CECR2: variants seen among roughly 807,000 people sequenced by gnomAD.
CECR2 encodes the protein chromatin remodeling regulator CECR2.
Under a neutral mutation model 154.5 loss-of-function variants are expected in CECR2, and 30 were observed. The ratio of observed to expected loss-of-function variants is 0.19; its 90% CI spans 0.15 to 0.26. The LOEUF (loss-of-function observed/expected upper bound fraction) is 0.26, where lower values mean the gene tolerates loss of function less well. Ranked by LOEUF, CECR2 falls within the 10% of genes least tolerant of loss-of-function variation. CECR2 has a pLI of 1.00. For missense variants in CECR2, 1,743 were observed against 1,829.3 expected (o/e 0.95, Z 0.86); for synonymous variants, 725 against 683.7 (o/e 1.06, Z -0.94).
At chr22:17,513,406 G>A (rs16982574) in intron 8 of CECR2, among the ~76,000 whole-genome samples, 3,081 of 152,248 alleles carry the variant, frequency 0.02, 100 homozygotes, top group African/African-American at 0.071. Context: ...CATTTTCATG[G>A]ATCTTAAATT....
intron 1 of CECR2, among the ~76,000 whole-genome samples, chr22:17,462,380 AG>A (rs1469406590): frequency 6.6e-6 from 1 of 151,842 alleles, no homozygotes; most frequent in African/African-American, 2.4e-5. Flanking sequence ...TAAAAAAAAA[AG>A]ATAAAGATCT....
intron 16 of CECR2, among the ~76,000 whole-genome samples, chr22:17,546,239 G>A (rs2056611927): frequency 6.6e-6 from 1 of 152,108 alleles, no homozygotes; most frequent in Non-Finnish European, 1.5e-5. Flanking sequence ...TGTAATCCCA[G>A]CACTTTGGGA....
At chr22:17,386,095 A>G (rs142188165) in intron 1 of CECR2, among the ~76,000 whole-genome samples, 227 of 152,284 alleles carry the variant, frequency 1.5e-3, no homozygotes, top group African/African-American at 5.2e-3. Context: ...ATACGGTGGT[A>G]CCACTCATGG....
rs60877782 is a variant in CECR2, at chr22:17,431,528, G to T, written c.127-46060G>T. 9.9e-3 allele frequency among the ~76,000 whole-genome samples: 1,512 copies of T among 152,268 alleles called. 29 individuals are homozygous for T. The highest frequency in any genetic ancestry group is 0.035 in the African/African-American group (1,435 of 41,556). On this transcript the variant is annotated intron_variant, in intron 1 of 18. Coordinates refer to ENST00000262608, the MANE Select transcript of CECR2 (RefSeq NM_001290047.2). ...AGTGATCCATTCCATCTGGAGCTAT[G>T]GCATAAAATTATTTGCATGTAGATC... is the stretch of plus-strand genomic sequence containing the variant.
intron 1 of CECR2, among the ~76,000 whole-genome samples, chr22:17,371,864 G>T (rs1446274037): frequency 1.3e-5 from 2 of 152,132 alleles, no homozygotes; most frequent in African/African-American, 2.4e-5. Context: ...TTAAGTACTC[G>T]CAGCATATTT....
intron 8 of CECR2, among the ~76,000 whole-genome samples, chr22:17,512,404 AAAC>A (rs199685022): frequency 0.012 from 1,814 of 152,152 alleles, 37 homozygotes; most frequent in African/African-American, 0.042. Flanking sequence ...TATGGTCAAA[AAAC>A]AGTATATATT....
At chr22:17,491,672 C>T (rs146824494) in intron 2 of CECR2, among the ~76,000 whole-genome samples, 43 of 151,508 alleles carry the variant, frequency 2.8e-4, no homozygotes, top group African/African-American at 1.0e-3. Flanking sequence ...TGTACCTCTT[C>T]ATGCCTTATA....
At chr22:17,394,196 G>GC (rs2053773622) in intron 1 of CECR2, among the ~76,000 whole-genome samples, 6 of 90,858 alleles carry the variant, frequency 6.6e-5, no homozygotes, top group African/African-American at 2.0e-4. Flanking sequence ...TGCTGCCGCT[G>GC]CTTTTTTTTT....
chr22:17,531,663 TGAG>T (rs2056357445), intron 9 of CECR2, among the ~76,000 whole-genome samples: 1 of 152,156 alleles, frequency 6.6e-6, no homozygotes. Flanking sequence ...AAACAATGAT[TGAG>T]TAGTTTTTTG....
At chr22:17,549,758 T>C (rs866134847) in intron 17 of CECR2, among the ~76,000 whole-genome samples, 194 bp downstream of exon 17, 7 of 148,386 alleles carry the variant, frequency 4.7e-5, no homozygotes, top group Admixed American at 1.4e-4. Context: ...ACTACACACA[T>C]GCCACCACAC....
At chr22:17,429,621 A>G (rs891164015) in intron 1 of CECR2, among the ~76,000 whole-genome samples, 2 of 152,154 alleles carry the variant, frequency 1.3e-5, no homozygotes, top group Non-Finnish European at 2.9e-5. Flanking sequence ...TATACAGAGT[A>G]AGTTATATCA....
intron 1 of CECR2, among the ~76,000 whole-genome samples, chr22:17,363,254 G>T (rs1228309878): frequency 1.3e-5 from 2 of 151,630 alleles, no homozygotes; most frequent in Non-Finnish European, 2.9e-5. Flanking sequence ...CTTTCGCCAG[G>T]CTGGAGTGCA....
chr22:17,516,599 G>GTGTTT (rs538784298), intron 8 of CECR2, among the ~76,000 whole-genome samples: 19 of 151,892 alleles, frequency 1.3e-4, no homozygotes, highest in South Asian at 4.2e-4. Flanking sequence ...GATCTGGCTG[G>GTGTTT]TGTTTTGTTT....
intron 1 of CECR2, among the ~76,000 whole-genome samples, chr22:17,443,478 A>T (rs1601365705): frequency 6.6e-6 from 1 of 152,182 alleles, no homozygotes; most frequent in Non-Finnish European, 1.5e-5. Flanking sequence ...GATGGTGGAA[A>T]GGCACCAGCA....
chr22:17,527,769 CAAA>C (rs3079565), intron 9 of CECR2, among the ~76,000 whole-genome samples: 7,284 of 89,892 alleles, frequency 0.081, 383 homozygotes, highest in African/African-American at 0.19. Flanking sequence ...GATTCTGTCT[CAAA>C]AAAAAAAAAA....
rs1309726901 is a variant in CECR2, at chr22:17,556,237, G to T, written c.*3397G>T. 6.6e-6 allele frequency: 1 copy of T among 152,072 alleles called. No individual in the cohort carries two copies. Among genetic ancestry groups the T allele is most frequent in the East Asian group, 1.9e-4 (1 of 5,186 alleles). 9.4% of individuals were successfully genotyped at this position (152,072 alleles called of 1,614,324 possible). On this transcript the variant is annotated 3_prime_UTR_variant, in exon 19 of 19. Coordinates refer to ENST00000262608, the MANE Select transcript of CECR2 (RefSeq NM_001290047.2). ...CATCAACAGTTCGTATCTTCTCACT[G>T]AGCCCGGGCCAGATGCTCTCAGAAG...
At chr22:17,518,889 C>A in intron 8 of CECR2, 1 of 238,994 alleles carries the variant, frequency 4.2e-6, no homozygotes, top group East Asian at 1.2e-4. Context: ...TCCTTCTCCC[C>A]CAAAAAAACT....
At chr22:17,366,995 G>A (rs2063005322), upstream of CECR2, among the ~76,000 whole-genome samples, 1 of 152,140 alleles carries the variant, frequency 6.6e-6, no homozygotes, top group Non-Finnish European at 1.5e-5. Flanking sequence ...TGGTGTGCTG[G>A]GCCACAGAAC....
intron 5 of CECR2, among the ~76,000 whole-genome samples, chr22:17,501,050 G>A (rs933683455): frequency 2.0e-5 from 3 of 152,222 alleles, no homozygotes; most frequent in East Asian, 3.9e-4. Context: ...AAAGATACTT[G>A]GGGGATTTTC....
Sources: gnomAD v4.1 joint callset for allele counts (sites outside exome capture counted in the v4.1 genomes callset) on GRCh38, gnomAD v4.1.1 for gene constraint, MANE v1.5 for transcripts, NCBI Gene and HGNC (gene_info 2026-07-23, HGNC 2026-07-21) for gene names.